The following XIAP variants were observed in gnomAD, a reference collection of about 807,000 sequenced individuals.
XIAP encodes E3 ubiquitin-protein ligase XIAP.
XIAP carries 3 observed loss-of-function variants against 33.1 expected under a neutral mutation model. The ratio of observed to expected loss-of-function variants is 0.09; its 90% CI spans 0.04 to 0.23. The LOEUF (loss-of-function observed/expected upper bound fraction) is 0.23. XIAP is among the 10% of genes least tolerant of loss of function. XIAP has a pLI of 1.00. For missense variants in XIAP, 264 were observed against 363.0 expected (o/e 0.73, Z 2.22); for synonymous variants, 98 against 121.3 (o/e 0.81, Z 1.26).
In XIAP at chrX:123,912,348, CA is replaced by C. The variant is rs60841987; in HGVS notation, c.*5180del. The C allele has an allele frequency of 0.31, 61,837 of 201,339 alleles. 1,652 individuals carry two copies. The highest frequency in any genetic ancestry group is 0.42 in the East Asian group (2,736 of 6,560). 16.6% of individuals were successfully genotyped at this position (201,339 alleles called of 1,213,427 possible). A position where few individuals can be genotyped will look rare whatever the true frequency, so the allele number is the denominator to read the frequency against. On this transcript the variant is annotated 3_prime_UTR_variant, in exon 7 of 7. Transcript: ENST00000371199. ...TAGCATTAAGGTTGGTGCAAAAATGCAAAAAAAAAAAAAGCAATTATTTTTA... is the reference window on the plus strand; with the variant it reads ...TAGCATTAAGGTTGGTGCAAAAATGCAAAAAAAAAAAAGCAATTATTTTTA...
At position 123,913,555 on chromosome X, in the gene XIAP, A is replaced by G. The variant is rs753530116; in HGVS notation, c.*6374A>G. On this transcript the variant is annotated 3_prime_UTR_variant, in exon 7 of 7. Coordinates refer to ENST00000371199, the MANE Select transcript of XIAP (RefSeq NM_001167.4). ...TCTACTTTGAATCTGAAGTTTGCAG[A>G]TATGCCTATAGATTTTTGGAGTTTA... is the stretch of plus-strand genomic sequence containing the variant. The G allele has an allele frequency of 1.8e-5, 6 of 325,563 alleles. No homozygotes were observed. Among genetic ancestry groups the G allele is most frequent in the Non-Finnish European group, 3.0e-5 (5 of 169,067 alleles). 26.8% of individuals were successfully genotyped at this position (325,563 alleles called of 1,213,427 possible). A position where few individuals can be genotyped will look rare whatever the true frequency, so the allele number is the denominator to read the frequency against.
intron 3 of XIAP, among the ~76,000 whole-genome samples, chrX:123,889,969 A>C (rs2053389184): frequency 2.2e-5 from 2 of 91,835 alleles, no homozygotes; most frequent in South Asian, 1.1e-3. Context: ...AATGTATCTC[A>C]TTATCTCTAT....
At chrX:123,868,923 T>C (rs1041427985) in intron 1 of XIAP, among the ~76,000 whole-genome samples, 2 of 111,644 alleles carry the variant, frequency 1.8e-5, no homozygotes, top group Non-Finnish European at 3.8e-5. Context: ...CATTTTGGGA[T>C]TTGATTTTGG....
chrX:123,866,639 AT>A (rs1483238927), intron 1 of XIAP, among the ~76,000 whole-genome samples: 1 of 103,521 alleles, frequency 9.7e-6, no homozygotes, highest in Non-Finnish European at 1.9e-5. Context: ...TAAAATATAT[AT>A]AATATATAAC....
chrX:123,912,883 T>C lies in XIAP; in HGVS notation c.*5702T>C. On this transcript the variant is annotated 3_prime_UTR_variant, in exon 7 of 7. Coordinates refer to ENST00000371199, the MANE Select transcript of XIAP (RefSeq NM_001167.4). Reference sequence around the variant, plus strand: ...GTTGGCCAGGCTAGTCTTGAATTTCTGACCTCAAGTGATTCATCTCCCAAA... The same window carrying C: ...GTTGGCCAGGCTAGTCTTGAATTTCCGACCTCAAGTGATTCATCTCCCAAA... The C allele has an allele frequency of 3.1e-6, 1 of 327,545 alleles. No individual in the cohort carries two copies. The highest frequency in any genetic ancestry group is 2.6e-5 in the South Asian group (1 of 38,177). 27.0% of individuals were successfully genotyped at this position (327,545 alleles called of 1,213,427 possible).
At chrX:123,867,180 C>T (rs1295781502) in intron 1 of XIAP, among the ~76,000 whole-genome samples, 4 of 105,099 alleles carry the variant, frequency 3.8e-5, no homozygotes, top group Non-Finnish European at 1.9e-5. Flanking sequence ...TGCCATTCTC[C>T]TACCTCAGCC....
At position 123,885,837 on chromosome X, in the gene XIAP, G is replaced by A; in HGVS notation, c.175G>A (p.Asp59Asn). 1 of 1,211,962 alleles carries A rather than the reference G, an allele frequency of 8.3e-7. No individual in the cohort carries two copies. Among genetic ancestry groups the A allele is most frequent in the Non-Finnish European group, 1.1e-6 (1 of 895,599 alleles). Residue 59 changes from aspartate to asparagine, a missense_variant, in exon 2 of 7, where the codon GAT becomes AAT. Asp to Asn is a conservative substitution (Grantham distance 23, BLOSUM62 1). Coordinates refer to ENST00000371199, the MANE Select transcript of XIAP (RefSeq NM_001167.4). ...RAGFLYTGEGDTVRCFSCHAA... is the reference protein window; with the variant it reads ...RAGFLYTGEGNTVRCFSCHAA... ...AGGGTTTCTTTATACTGGTGAAGGA[G>A]ATACCGTGCGGTGCTTTAGTTGTCA...
At chrX:123,892,645 A>T in intron 4 of XIAP, 86 bp from the exon 5 acceptor site, 1 of 825,718 alleles carries the variant, frequency 1.2e-6, no homozygotes, top group South Asian at 2.1e-5. Flanking sequence ...ATTTATTTTA[A>T]ATTTATGATT....
intron 1 of XIAP, among the ~76,000 whole-genome samples, chrX:123,867,377 G>A (rs1331740485): frequency 1.1e-5 from 1 of 94,263 alleles, no homozygotes; most frequent in Non-Finnish European, 2.1e-5. Flanking sequence ...TTTTTTTTTG[G>A]TTTGGTTTGG....
At position 123,909,725 on chromosome X, in the gene XIAP, G is replaced by A. The variant is rs1476953454; in HGVS notation, c.*2544G>A. 6.1e-6 allele frequency: 2 copies of A among 329,359 alleles called. No individual in the cohort carries two copies. Among genetic ancestry groups the A allele is most frequent in the Admixed American group, 6.2e-5 (2 of 32,179 alleles). The allele number at this position is 329,359 out of a possible 1,213,427, so 27.1% of individuals were successfully genotyped here. A position where few individuals can be genotyped will look rare whatever the true frequency, so the allele number is the denominator to read the frequency against. ...AGACTTTTTTTCTTCCTCTCCATGA[G>A]TTGTGAAATTTAATGCACAACGCTG... On this transcript the variant is annotated 3_prime_UTR_variant, in exon 7 of 7. Coordinates refer to ENST00000371199, the MANE Select transcript of XIAP (RefSeq NM_001167.4).
At chrX:123,863,466 GT>G (rs1489861811) in intron 1 of XIAP, among the ~76,000 whole-genome samples, 3 of 111,469 alleles carry the variant, frequency 2.7e-5, no homozygotes, top group African/African-American at 9.7e-5. Flanking sequence ...CAAATAAAAA[GT>G]TAAGACTAAA....
chrX:123,899,757 C>G (rs12689606), intron 5 of XIAP, among the ~76,000 whole-genome samples: 20,468 of 106,747 alleles, frequency 0.19, 1,475 homozygotes, highest in South Asian at 0.39. Context: ...TATGAATATA[C>G]CACAATTTAT....
intron 1 of XIAP, among the ~76,000 whole-genome samples, chrX:123,867,755 C>T (rs987405357): frequency 9.9e-6 from 1 of 100,754 alleles, no homozygotes; most frequent in Non-Finnish European, 2.0e-5. Context: ...CTCACTGCAA[C>T]CTCTGCCTCC....
At chrX:123,899,013 C>T (rs777596036) in intron 5 of XIAP, among the ~76,000 whole-genome samples, 2 of 97,044 alleles carry the variant, frequency 2.1e-5, no homozygotes, top group African/African-American at 3.8e-5. Context: ...CCCAGCTACT[C>T]GAGAGGCTGA....
intron 1 of XIAP, among the ~76,000 whole-genome samples, chrX:123,864,455 G>GGT (rs2053110159): frequency 6.0e-5 from 3 of 49,589 alleles, no homozygotes; most frequent in South Asian, 2.8e-3. Context: ...CCTTTCTTCT[G>GGT]TTTTTTTTTT....
chrX:123,885,403 C>A (rs759174888), intron 1 of XIAP, among the ~76,000 whole-genome samples: 1 of 111,543 alleles, frequency 9.0e-6, no homozygotes, highest in Non-Finnish European at 1.9e-5. Flanking sequence ...TTTATTCTGC[C>A]TGCTTAAATA....
intron 1 of XIAP, among the ~76,000 whole-genome samples, chrX:123,867,076 G>GTTTTT (rs139190557): frequency 3.3e-5 from 2 of 59,716 alleles, no homozygotes; most frequent in Non-Finnish European, 5.7e-5. Context: ...TAACATTTCT[G>GTTTTT]TTTTTTTTTT....
chrX:123,888,963 G>A (rs1231749303), intron 3 of XIAP, among the ~76,000 whole-genome samples: 1 of 110,642 alleles, frequency 9.0e-6, no homozygotes, highest in Non-Finnish European at 1.9e-5. Context: ...CTCTTTTGCA[G>A]GCTGGAGTGC....
intron 1 of XIAP, among the ~76,000 whole-genome samples, chrX:123,865,746 G>C (rs1180669198): frequency 9.1e-6 from 1 of 110,141 alleles, no homozygotes; most frequent in Non-Finnish European, 1.9e-5. Context: ...AGGGTATTTT[G>C]AATATTTTAT....
Sources: gnomAD v4.1 joint callset for allele counts (sites outside exome capture counted in the v4.1 genomes callset) on GRCh38, gnomAD v4.1.1 for gene constraint, MANE v1.5 for transcripts, NCBI Gene and HGNC (gene_info 2026-07-23, HGNC 2026-07-21) for gene names.